THNSL1: variants seen among roughly 807,000 people sequenced by gnomAD.
The protein encoded by THNSL1 is threonine synthase-like 1.
THNSL1 carries 48 observed loss-of-function variants against 50.4 expected under a neutral mutation model. The ratio of observed to expected loss-of-function variants is 0.95; its 90% CI spans 0.76 to 1.21. THNSL1 has a LOEUF of 1.21. THNSL1 is among the 50% of genes most tolerant of loss of function. The pLI, the probability that THNSL1 is intolerant of heterozygous loss-of-function variation, is 0.00. For missense variants in THNSL1, 896 were observed against 871.7 expected (o/e 1.03, Z -0.35); for synonymous variants, 309 against 306.1 (o/e 1.01, Z -0.10).
At chr10:24,984,506 C>G in the THNSL1 span, 2 of 1,248,602 alleles carry the variant, frequency 1.6e-6, no homozygotes, top group Non-Finnish European at 2.2e-6. Flanking sequence ...AACACATATT[C>G]TCAAATTTAA....
the THNSL1 span, among the ~76,000 whole-genome samples, chr10:25,007,257 G>A: frequency 7.0e-4 from 107 of 152,222 alleles, no homozygotes; most frequent in East Asian, 2.9e-3. Context: ...TCTAAAAAAT[G>A]AGTCTAACGT....
the THNSL1 span, among the ~76,000 whole-genome samples, chr10:24,988,051 T>C: frequency 2.0e-5 from 3 of 151,582 alleles, no homozygotes; most frequent in Admixed American, 2.0e-4. Flanking sequence ...CGAAACCCCA[T>C]CTTTACTAAA....
the THNSL1 span, among the ~76,000 whole-genome samples, chr10:24,997,377 C>CT: frequency 0.034 from 4,787 of 139,094 alleles, 114 homozygotes; most frequent in Middle Eastern, 0.07. Context: ...CCCTGCATTC[C>CT]TTTTTTTTTT....
At chr10:24,968,229 ACTCT>A in the THNSL1 span, among the ~76,000 whole-genome samples, 1 of 151,528 alleles carries the variant, frequency 6.6e-6, no homozygotes, top group East Asian at 1.9e-4. Context: ...AGAGGAAAGA[ACTCT>A]CTCTCTGTTG....
the THNSL1 span, among the ~76,000 whole-genome samples, chr10:24,956,888 A>G: frequency 6.6e-6 from 1 of 152,142 alleles, no homozygotes; most frequent in Non-Finnish European, 1.5e-5. Context: ...CGATTCTCAC[A>G]GGAGCACAAA....
chr10:24,967,832 G>C, the THNSL1 span, among the ~76,000 whole-genome samples: 1 of 151,706 alleles, frequency 6.6e-6, no homozygotes, highest in East Asian at 1.9e-4. Context: ...TATATGATGT[G>C]TGTATGTCTG....
the THNSL1 span, among the ~76,000 whole-genome samples, chr10:24,954,001 C>T: frequency 2.0e-5 from 3 of 152,118 alleles, no homozygotes; most frequent in Non-Finnish European, 4.4e-5. Flanking sequence ...TCTCAGCACA[C>T]GGGTAAACAT....
the THNSL1 span, among the ~76,000 whole-genome samples, chr10:25,005,941 T>C: frequency 6.6e-5 from 10 of 152,238 alleles, no homozygotes; most frequent in Admixed American, 2.6e-4. Context: ...CACATGTGGA[T>C]ATTGAGCACT....
chr10:25,001,487 T>A, the THNSL1 span, among the ~76,000 whole-genome samples: 19 of 152,096 alleles, frequency 1.2e-4, no homozygotes, highest in African/African-American at 1.7e-4. Flanking sequence ...TCATCCGTTT[T>A]CTCCTCTTCC....
upstream of THNSL1, chr10:25,015,939 C>A (rs772396792): frequency 6.2e-7 from 1 of 1,605,058 alleles, no homozygotes; most frequent in Non-Finnish European, 8.5e-7. Context: ...GGATCCATGG[C>A]CACCAAATGA....
chr10:25,014,432 A>G (rs1850518630), upstream of THNSL1, among the ~76,000 whole-genome samples: 1 of 152,228 alleles, frequency 6.6e-6, no homozygotes, highest in Admixed American at 6.5e-5. Context: ...AGCACCAAGA[A>G]CAGATATACT....
At chr10:24,995,609 G>A in the THNSL1 span, 1 of 1,523,280 alleles carries the variant, frequency 6.6e-7, no homozygotes. Context: ...TAAATTATTT[G>A]AATTTCAGCC....
the THNSL1 span, among the ~76,000 whole-genome samples, chr10:24,965,435 G>C: frequency 6.6e-6 from 1 of 152,288 alleles, no homozygotes; most frequent in South Asian, 2.1e-4. Flanking sequence ...GCCCTAAAGA[G>C]AGATTATGCA....
the THNSL1 span, among the ~76,000 whole-genome samples, chr10:24,978,497 T>TTC: frequency 0.022 from 3,235 of 149,686 alleles, 122 homozygotes; most frequent in African/African-American, 0.076. Flanking sequence ...TTTCTTCTCC[T>TTC]TCTCTCTCTC....
At chr10:24,952,573 C>T in the THNSL1 span, 19,432 of 1,587,392 alleles carry the variant, frequency 0.012, 159 homozygotes, top group Non-Finnish European at 0.014. The surrounding 1 kb of genome is among the most constrained non-coding windows in gnomAD (Gnocchi z 5.1). Context: ...TGCTCCCGGC[C>T]ATGTTTCTCC....
chr10:24,995,544 G>T, the THNSL1 span: 1 of 1,037,570 alleles, frequency 9.6e-7, no homozygotes, highest in Non-Finnish European at 1.4e-6. Context: ...TAGACAATGT[G>T]TCCAATGAGA....
chr10:24,989,451 A>G, the THNSL1 span, among the ~76,000 whole-genome samples: 1 of 152,202 alleles, frequency 6.6e-6, no homozygotes, highest in Non-Finnish European at 1.5e-5. Context: ...CTAACGATCT[A>G]CAATCCTCCA....
the THNSL1 span, among the ~76,000 whole-genome samples, chr10:24,968,498 C>T: frequency 6.6e-6 from 1 of 152,156 alleles, no homozygotes; most frequent in East Asian, 1.9e-4. Flanking sequence ...AGACAGCATC[C>T]TTCGTTGTCT....
At chr10:25,002,026 G>A in the THNSL1 span, among the ~76,000 whole-genome samples, 1 of 152,100 alleles carries the variant, frequency 6.6e-6, no homozygotes, top group African/African-American at 2.4e-5. Context: ...CTGGGATTCA[G>A]TTATGATAGT....
Sources: allele counts gnomAD v4.1 joint callset (sites outside exome capture counted in the v4.1 genomes callset), GRCh38; gene constraint gnomAD v4.1.1; non-coding constraint Gnocchi (gnomAD v3.1); transcripts MANE v1.5; gene names NCBI Gene and HGNC (gene_info 2026-07-23, HGNC 2026-07-21).